The following SHISA9 variants were observed in gnomAD, a reference collection of about 807,000 sequenced individuals.
SHISA9 encodes shisa family member 9.
Under a neutral mutation model 38.0 loss-of-function variants are expected in SHISA9, and 13 were observed. The observed-to-expected ratio is 0.34, with a 90% CI of 0.22 to 0.54. SHISA9 has a LOEUF of 0.54. Ranked by LOEUF, SHISA9 falls within the 20% of genes least tolerant of loss-of-function variation. SHISA9 has a pLI of 0.91. For synonymous variants in SHISA9, 275 were observed against 242.0 expected, an observed-to-expected ratio of 1.14 and a Z score of -1.27; for missense variants, 538 against 575.8, an observed-to-expected ratio of 0.93 and a Z score of 0.67.
intron 4 of SHISA9, among the ~76,000 whole-genome samples, chr16:13,230,519 G>C (rs1401801009): frequency 1.3e-5 from 2 of 152,140 alleles, no homozygotes; most frequent in Non-Finnish European, 1.5e-5. Context: ...GTGGCTAAAG[G>C]GTGGGTGGTC....
chr16:13,262,650 A>AAGGAAGGAAGGGAGGGAGGG, the SHISA9 span, among the ~76,000 whole-genome samples: 5 of 54,024 alleles, frequency 9.3e-5, 1 homozygote, highest in African/African-American at 1.5e-4. Flanking sequence ...GGAAGGAAGG[A>AAGGAAGGAAGGGAGGGAGGG]AGGAAGGAAG....
chr16:13,348,048 C>T, the SHISA9 span, among the ~76,000 whole-genome samples: 1 of 152,164 alleles, frequency 6.6e-6, no homozygotes, highest in East Asian at 1.9e-4. Context: ...TTCCAACCCA[C>T]ATAACTATAA....
chr16:13,037,131 C>G (rs140143267), intron 2 of SHISA9, among the ~76,000 whole-genome samples: 1,702 of 148,032 alleles, frequency 0.011, 41 homozygotes, highest in South Asian at 0.089. Flanking sequence ...CACACACACA[C>G]ACACACACAC....
the SHISA9 span, among the ~76,000 whole-genome samples, chr16:13,290,528 C>T: frequency 1.3e-5 from 2 of 152,104 alleles, no homozygotes; most frequent in African/African-American, 4.8e-5. Context: ...ATGAGTTTGT[C>T]GTGTTTCCTG....
At chr16:12,914,057 T>C (rs2071222054) in intron 1 of SHISA9, among the ~76,000 whole-genome samples, 2 of 149,626 alleles carry the variant, frequency 1.3e-5, no homozygotes, top group Admixed American at 1.3e-4. Context: ...TTTTTTTTTT[T>C]TTTTTTGAGA....
chr16:13,559,595 C>CTGGT, the SHISA9 span, among the ~76,000 whole-genome samples: 1 of 152,048 alleles, frequency 6.6e-6, no homozygotes, highest in Non-Finnish European at 1.5e-5. Context: ...GTTTCCCAGG[C>CTGGT]TGGTCTTAAA....
intron 2 of SHISA9, among the ~76,000 whole-genome samples, chr16:13,149,128 T>A (rs2050474799): frequency 6.6e-6 from 1 of 151,970 alleles, no homozygotes; most frequent in East Asian, 1.9e-4. Context: ...GTGAGATGAG[T>A]CTCCTTGACA....
At chr16:13,472,498 T>C in the SHISA9 span, among the ~76,000 whole-genome samples, 1 of 148,780 alleles carries the variant, frequency 6.7e-6, no homozygotes. Flanking sequence ...TTCATGCCAT[T>C]GTCCTGCCTC....
At chr16:12,982,978 T>C (rs2072260298) in intron 2 of SHISA9, among the ~76,000 whole-genome samples, 1 of 152,248 alleles carries the variant, frequency 6.6e-6, no homozygotes, top group Admixed American at 6.5e-5. Context: ...ATTAGGCTAT[T>C]TGAGAATTTG....
the SHISA9 span, among the ~76,000 whole-genome samples, chr16:13,419,015 G>A: frequency 5.3e-5 from 8 of 152,156 alleles, no homozygotes; most frequent in Non-Finnish European, 1.2e-4. Flanking sequence ...GTAAGTAGTT[G>A]AAGAAAACTT....
At chr16:13,220,709 G>A (rs1395796714) in intron 4 of SHISA9, among the ~76,000 whole-genome samples, 1 of 152,206 alleles carries the variant, frequency 6.6e-6, no homozygotes, top group Non-Finnish European at 1.5e-5. Flanking sequence ...GCACAGGAAG[G>A]CAGTGAGTGG....
chr16:13,177,332 A>T (rs780531192), intron 2 of SHISA9, among the ~76,000 whole-genome samples: 1 of 152,146 alleles, frequency 6.6e-6, no homozygotes, highest in Non-Finnish European at 1.5e-5. Flanking sequence ...TGGAAGCTCA[A>T]AATCTTAGAA....
chr16:13,365,287 T>C, the SHISA9 span, among the ~76,000 whole-genome samples: 6 of 152,200 alleles, frequency 3.9e-5, no homozygotes, highest in Non-Finnish European at 5.9e-5. Context: ...TACCACTGCA[T>C]TGCATTGCCT....
intron 2 of SHISA9, among the ~76,000 whole-genome samples, chr16:13,034,992 C>A (rs1875388): frequency 0.6 from 90,438 of 151,988 alleles, 28,024 homozygotes; most frequent in Middle Eastern, 0.74. Flanking sequence ...TAATAAAATG[C>A]TTTTTTTAAA....
At chr16:12,940,783 G>A (rs769228351) in intron 2 of SHISA9, among the ~76,000 whole-genome samples, 12 of 152,090 alleles carry the variant, frequency 7.9e-5, no homozygotes, top group South Asian at 4.1e-4. Context: ...GTGTAACCTC[G>A]GGGGAGGTGC....
intron 2 of SHISA9, among the ~76,000 whole-genome samples, chr16:13,191,909 C>A (rs765849911): frequency 3.8e-4 from 58 of 152,244 alleles, no homozygotes; most frequent in Non-Finnish European, 7.4e-4. Flanking sequence ...TTCATCGCAG[C>A]ACTATTCACA....
At chr16:13,131,296 A>C (rs2050304519) in intron 2 of SHISA9, among the ~76,000 whole-genome samples, 1 of 152,242 alleles carries the variant, frequency 6.6e-6, no homozygotes, top group Admixed American at 6.5e-5. Context: ...GAAAGGAACG[A>C]GATCGTGTCC....
intron 2 of SHISA9, among the ~76,000 whole-genome samples, chr16:12,936,488 A>T (rs1277130525): frequency 6.6e-6 from 1 of 152,186 alleles, no homozygotes; most frequent in Non-Finnish European, 1.5e-5. Flanking sequence ...GAAGAAAGAG[A>T]GAGAGTGTAA....
At chr16:12,988,812 C>T (rs952697299) in intron 2 of SHISA9, among the ~76,000 whole-genome samples, 7 of 151,684 alleles carry the variant, frequency 4.6e-5, no homozygotes, top group African/African-American at 1.5e-4. Context: ...GGTGTGAGCC[C>T]CTGTGCCCAG....
Sources: gnomAD v4.1 joint callset for allele counts (sites outside exome capture counted in the v4.1 genomes callset) on GRCh38, gnomAD v4.1.1 for gene constraint, MANE v1.5 for transcripts, NCBI Gene and HGNC (gene_info 2026-07-23, HGNC 2026-07-21) for gene names.